TPRG1: variants seen among roughly 807,000 people sequenced by gnomAD.
TPRG1 encodes the protein tumor protein p63 regulated 1.
A neutral mutation model predicts 29.3 loss-of-function variants in TPRG1; 29 were observed. That is an observed-to-expected ratio of 0.99 (90% CI 0.74 to 1.35). The LOEUF is 1.35. Ranked by LOEUF, TPRG1 falls within the 40% of genes most tolerant of loss-of-function variation. The pLI is 0.00. For missense variants in TPRG1, 327 were observed against 335.0 expected, an observed-to-expected ratio of 0.98 and a Z score of 0.19; for synonymous variants, 130 against 116.8, an observed-to-expected ratio of 1.11 and a Z score of -0.73.
intron 3 of TPRG1, among the ~76,000 whole-genome samples, chr3:189,230,448 G>A (rs980497574): frequency 1.3e-5 from 2 of 151,892 alleles, no homozygotes; most frequent in South Asian, 4.1e-4. Context: ...AAAAAAATGT[G>A]TTGTGTCCCT....
chr3:189,101,517 C>A (rs1719200322), intron 1 of TPRG1, among the ~76,000 whole-genome samples: 1 of 152,154 alleles, frequency 6.6e-6, no homozygotes, highest in Admixed American at 6.5e-5. Flanking sequence ...AATTTCTCTC[C>A]ACAGTCATTG....
At chr3:189,134,913 G>A (rs1482660340) in intron 3 of TPRG1, among the ~76,000 whole-genome samples, 5 of 152,144 alleles carry the variant, frequency 3.3e-5, no homozygotes, top group African/African-American at 1.2e-4. Context: ...AATGTACGCA[G>A]TTTTCTATGA....
At chr3:189,239,457 A>G (rs918989299) in intron 4 of TPRG1, among the ~76,000 whole-genome samples, 20 of 152,080 alleles carry the variant, frequency 1.3e-4, no homozygotes, top group African/African-American at 4.6e-4. Context: ...ATGTCAGTAA[A>G]TTTGTATTTT....
intron 1 of TPRG1, among the ~76,000 whole-genome samples, chr3:189,117,795 T>C (rs1204629553): frequency 1.3e-5 from 2 of 152,218 alleles, no homozygotes; most frequent in African/African-American, 4.8e-5. Context: ...TGTTTGTAAG[T>C]TTCCTGAGGC....
chr3:189,167,870 C>T (rs1728350083), upstream of TPRG1, among the ~76,000 whole-genome samples: 1 of 152,054 alleles, frequency 6.6e-6, no homozygotes, highest in Admixed American at 6.6e-5. Context: ...CAAGAGCAGA[C>T]CTTATTTTGC....
chr3:189,118,100 C>T (rs1055610819), intron 1 of TPRG1, among the ~76,000 whole-genome samples: 26 of 152,198 alleles, frequency 1.7e-4, no homozygotes, highest in Admixed American at 1.4e-3. Flanking sequence ...TTGGAACTTC[C>T]TAGAGACTTG....
chr3:189,206,944 G>A (rs934772201), intron 1 of TPRG1, among the ~76,000 whole-genome samples: 1 of 152,092 alleles, frequency 6.6e-6, no homozygotes, highest in African/African-American at 2.4e-5. Flanking sequence ...AGTTCTAAGT[G>A]CTCTTATGCT....
chr3:189,246,715 C>G (rs1741432393), intron 4 of TPRG1, among the ~76,000 whole-genome samples: 1 of 151,904 alleles, frequency 6.6e-6, no homozygotes, highest in African/African-American at 2.4e-5. Context: ...TCTGAAAATA[C>G]TTTTATTTAG....
At chr3:189,177,074 G>A (rs189080908) in intron 1 of TPRG1, among the ~76,000 whole-genome samples, 77 of 152,280 alleles carry the variant, frequency 5.1e-4, no homozygotes, top group Admixed American at 9.2e-4. Flanking sequence ...TAATCCAGAT[G>A]AATGATGTGG....
At chr3:189,187,492 T>G (rs1273237106) in intron 1 of TPRG1, among the ~76,000 whole-genome samples, 3 of 147,938 alleles carry the variant, frequency 2.0e-5, no homozygotes, top group African/African-American at 7.5e-5. Flanking sequence ...TTTTTTTTTG[T>G]ATTTTTAGTA....
At chr3:189,005,306 G>A (rs1560388798) in intron 3 of TPRG1, among the ~76,000 whole-genome samples, 1 of 152,052 alleles carries the variant, frequency 6.6e-6, no homozygotes, top group Non-Finnish European at 1.5e-5. Flanking sequence ...ATACAAAGTG[G>A]GGACTCAGTA....
intron 3 of TPRG1, among the ~76,000 whole-genome samples, chr3:189,013,237 C>T (rs1235258115): frequency 2.6e-5 from 4 of 152,076 alleles, no homozygotes; most frequent in Non-Finnish European, 5.9e-5. Context: ...TCACTGGTTT[C>T]AAAAAACCTT....
intron 4 of TPRG1, among the ~76,000 whole-genome samples, chr3:189,276,123 G>T (rs1428371542): frequency 2.0e-5 from 3 of 152,098 alleles, no homozygotes; most frequent in Non-Finnish European, 4.4e-5. Context: ...AACACTGAGA[G>T]GGGAAGGCAA....
At chr3:189,091,621 A>G (rs1467147538) in intron 4 of TPRG1, among the ~76,000 whole-genome samples, 2 of 152,148 alleles carry the variant, frequency 1.3e-5, no homozygotes. Flanking sequence ...TTTTGCCTGT[A>G]TTATCTGGAG....
intron 4 of TPRG1, among the ~76,000 whole-genome samples, chr3:189,085,001 T>G: frequency 6.6e-6 from 1 of 152,232 alleles, no homozygotes; most frequent in East Asian, 1.9e-4. Context: ...CAAGAATAGT[T>G]GCAAACATTT....
intron 4 of TPRG1, among the ~76,000 whole-genome samples, chr3:189,307,175 A>C (rs946285295): frequency 5.3e-5 from 8 of 152,040 alleles, no homozygotes; most frequent in Admixed American, 5.2e-4. Context: ...GGCTCCCACC[A>C]CCACACCCGG....
At chr3:189,008,206 G>T in intron 3 of TPRG1, among the ~76,000 whole-genome samples, 1 of 152,082 alleles carries the variant, frequency 6.6e-6, no homozygotes, top group East Asian at 1.9e-4. Flanking sequence ...AGGGGCCAAT[G>T]GGGTGAGCAA....
intron 4 of TPRG1, among the ~76,000 whole-genome samples, chr3:189,054,568 A>G (rs1199192272): frequency 6.6e-6 from 1 of 151,972 alleles, no homozygotes; most frequent in Non-Finnish European, 1.5e-5. Flanking sequence ...GGAGTTTGAG[A>G]CCAGCCTGGA....
intron 4 of TPRG1, among the ~76,000 whole-genome samples, chr3:189,065,219 A>G (rs1357538199): frequency 2.0e-5 from 3 of 152,150 alleles, no homozygotes; most frequent in Non-Finnish European, 4.4e-5. Context: ...GACCAAAATG[A>G]TTTTACTAAA....
Sources: gnomAD v4.1 joint callset for allele counts (sites outside exome capture counted in the v4.1 genomes callset) on GRCh38, gnomAD v4.1.1 for gene constraint, MANE v1.5 for transcripts, NCBI Gene and HGNC (gene_info 2026-07-23, HGNC 2026-07-21) for gene names.